USP46: variants seen among roughly 807,000 people sequenced by gnomAD.
USP46 encodes the protein ubiquitin specific peptidase 46.
Under a neutral mutation model 44.4 loss-of-function variants are expected in USP46, and 12 were observed. The observed-to-expected ratio is 0.27, with a 90% CI of 0.17 to 0.44. The LOEUF is 0.44. USP46 is among the 20% of genes least tolerant of loss of function. USP46 has a pLI of 1.00. For synonymous variants in USP46, 155 were observed against 161.5 expected (o/e 0.96, Z 0.31); for missense variants, 248 against 444.8 (o/e 0.56, Z 3.98).
chr4:52,612,199 C>T (rs368822524), intron 4 of USP46, among the ~76,000 whole-genome samples: 46 of 152,316 alleles, frequency 3.0e-4, no homozygotes, highest in African/African-American at 8.9e-4. Context: ...GTGGTTATCA[C>T]ACTAATTGAA....
At chr4:52,621,959 A>G (rs1255129157) in intron 4 of USP46, among the ~76,000 whole-genome samples, 5 of 152,264 alleles carry the variant, frequency 3.3e-5, no homozygotes, top group Non-Finnish European at 7.3e-5. Context: ...GAAATGGCCA[A>G]TTCTCAAAAA....
intron 4 of USP46, among the ~76,000 whole-genome samples, chr4:52,618,363 G>T (rs1476466287): frequency 6.6e-6 from 1 of 152,024 alleles, no homozygotes; most frequent in Non-Finnish European, 1.5e-5. Context: ...GGTGGCAGGA[G>T]CCTATAATTC....
At chr4:52,621,812 G>T (rs1233208827) in intron 4 of USP46, among the ~76,000 whole-genome samples, 1 of 152,184 alleles carries the variant, frequency 6.6e-6, no homozygotes, top group Non-Finnish European at 1.5e-5. Flanking sequence ...TGCCCATGGG[G>T]ACCAGGAGAT....
At chr4:52,647,958 G>A (rs1296442792) in intron 1 of USP46, among the ~76,000 whole-genome samples, 1 of 152,194 alleles carries the variant, frequency 6.6e-6, no homozygotes, top group Non-Finnish European at 1.5e-5. Flanking sequence ...AATAAGAAGG[G>A]CACTGGAAGA....
chr4:52,609,403 C>T (rs1228901179), intron 5 of USP46, among the ~76,000 whole-genome samples: 3 of 151,490 alleles, frequency 2.0e-5, no homozygotes, highest in Admixed American at 6.6e-5. Context: ...AACAAATCCT[C>T]AAAAATGCAA....
At chr4:52,648,037 A>G (rs766465473) in intron 1 of USP46, among the ~76,000 whole-genome samples, 3 of 152,252 alleles carry the variant, frequency 2.0e-5, no homozygotes, top group Non-Finnish European at 4.4e-5. Flanking sequence ...AAGCCCCACA[A>G]TGACCCAGGA....
intron 1 of USP46, among the ~76,000 whole-genome samples, chr4:52,641,415 G>A (rs1287252939): frequency 6.6e-6 from 1 of 152,084 alleles, no homozygotes; most frequent in Non-Finnish European, 1.5e-5. Flanking sequence ...GACTGCCAAG[G>A]GGTGCTACCA....
chr4:52,655,979 C>G (rs1469322846), intron 1 of USP46, among the ~76,000 whole-genome samples: 2 of 152,198 alleles, frequency 1.3e-5, no homozygotes, highest in Admixed American at 1.3e-4. Flanking sequence ...TTCTCAATCA[C>G]ACGAAGTATC....
intron 1 of USP46, among the ~76,000 whole-genome samples, chr4:52,637,264 G>C (rs769401751): frequency 1.2e-4 from 19 of 152,128 alleles, no homozygotes; most frequent in Non-Finnish European, 1.8e-4. Context: ...TCCAAGGGCT[G>C]TCTGGGGCCC....
At chr4:52,647,695 C>T (rs1718600135) in intron 1 of USP46, among the ~76,000 whole-genome samples, 1 of 152,202 alleles carries the variant, frequency 6.6e-6, no homozygotes, top group East Asian at 1.9e-4. Context: ...GAAATCATAG[C>T]TTCTTCCTCC....
intron 4 of USP46, among the ~76,000 whole-genome samples, chr4:52,622,579 C>A (rs1323988542): frequency 1.3e-5 from 2 of 152,190 alleles, no homozygotes; most frequent in African/African-American, 2.4e-5. Context: ...AAGACCGACA[C>A]TATCCCTGTC....
intron 1 of USP46, among the ~76,000 whole-genome samples, chr4:52,640,488 T>C (rs894067445): frequency 3.3e-5 from 5 of 152,126 alleles, no homozygotes; most frequent in Non-Finnish European, 7.4e-5. Context: ...CTCTTCAAAT[T>C]TTTACTATGA....
chr4:52,604,778 G>T (rs547384997), intron 5 of USP46, among the ~76,000 whole-genome samples, 194 bp from the exon 6 acceptor site: 1 of 152,238 alleles, frequency 6.6e-6, no homozygotes, highest in East Asian at 1.9e-4. Flanking sequence ...CTAAGACTGG[G>T]TGCCATTACG....
At chr4:52,620,550 A>G (rs553534851) in intron 4 of USP46, among the ~76,000 whole-genome samples, 7 of 152,166 alleles carry the variant, frequency 4.6e-5, no homozygotes, top group African/African-American at 1.2e-4. Flanking sequence ...CAAATGTGGG[A>G]AAAAAACCCC....
intron 2 of USP46, among the ~76,000 whole-genome samples, chr4:52,629,951 T>C (rs558523319): frequency 2.6e-5 from 4 of 152,214 alleles, no homozygotes; most frequent in African/African-American, 7.2e-5. Flanking sequence ...TATTATATCA[T>C]GGGCAGCATT....
intron 4 of USP46, among the ~76,000 whole-genome samples, chr4:52,615,165 C>T (rs1717081453): frequency 6.6e-6 from 1 of 151,692 alleles, no homozygotes; most frequent in Non-Finnish European, 1.5e-5. Context: ...AATGGCAGCC[C>T]CAAACCCAAC....
In USP46 at chr4:52,601,935, C is replaced by T; in HGVS notation, c.842G>A (p.Arg281Gln). Residue 281 changes from arginine to glutamine, a missense_variant, in exon 7 of 9, where the codon CGG (arginine) becomes CAG (glutamine). Arg to Gln is a conservative substitution (Grantham distance 43, BLOSUM62 1). Coordinates refer to ENST00000441222, the MANE Select transcript of USP46 (RefSeq NM_022832.4). ...SYRVVFPLEL[R>Q]LFNTSSDAVN... ...TGCATCACTGGAGGTGTTGAAGAGC[C>T]GGAGTTCCAGAGGGAAGACCACACG... 1 of 1,613,944 alleles carries T rather than the reference C, an allele frequency of 6.2e-7. No individual in the cohort carries two copies. The highest frequency in any genetic ancestry group is 8.5e-7 in the Non-Finnish European group (1 of 1,179,888).
chr4:52,653,197 CAG>C (rs1176802978), intron 1 of USP46, among the ~76,000 whole-genome samples: 1 of 152,110 alleles, frequency 6.6e-6, no homozygotes, highest in Non-Finnish European at 1.5e-5. Context: ...TTCGCTAACA[CAG>C]AGTTCGTCTC....
intron 4 of USP46, among the ~76,000 whole-genome samples, chr4:52,618,093 T>C (rs898450699): frequency 6.6e-6 from 1 of 152,106 alleles, no homozygotes; most frequent in Non-Finnish European, 1.5e-5. Context: ...ATTAAAATCA[T>C]ATTCAGGCCA....
Sources: gnomAD v4.1 joint callset for allele counts (sites outside exome capture counted in the v4.1 genomes callset) on GRCh38, gnomAD v4.1.1 for gene constraint, MANE v1.5 for transcripts, NCBI Gene and HGNC (gene_info 2026-07-23, HGNC 2026-07-21) for gene names.